The following ZNF846 variants were observed in gnomAD, a reference collection of about 807,000 sequenced individuals.
The protein encoded by ZNF846 is zinc finger protein 846.
A neutral mutation model predicts 16.0 loss-of-function variants in ZNF846; 15 were observed. The observed-to-expected ratio is 0.94, with a 90% CI of 0.63 to 1.45. The LOEUF is 1.45. ZNF846 is among the 40% of genes most tolerant of loss of function. ZNF846 has a pLI of 0.00. For synonymous variants in ZNF846, 229 were observed against 212.0 expected, an observed-to-expected ratio of 1.08 and a Z score of -0.70; for missense variants, 714 against 622.3, an observed-to-expected ratio of 1.15 and a Z score of -1.57.
chr19:9,757,686 T>C, exon 6 of ZNF846: 3 of 1,613,218 alleles, frequency 1.9e-6, no homozygotes, highest in Non-Finnish European at 2.5e-6. Flanking sequence ...CATATTAAGA[T>C]TTGTGGAACG....
At chr19:9,760,056 CCTAGA>C in intron 4 of ZNF846, 114 bp from the exon 5 acceptor site, 1 of 689,928 alleles carries the variant, frequency 1.4e-6, no homozygotes. Flanking sequence ...CTTTTGGAGG[CCTAGA>C]TAGGTGGCTT....
chr19:9,779,504 G>A (rs993227712), intron 1 of ZNF846, among the ~76,000 whole-genome samples: 4 of 151,390 alleles, frequency 2.6e-5, no homozygotes, highest in African/African-American at 9.7e-5. Flanking sequence ...CCGACCTCAG[G>A]TGATCTGTCT....
At chr19:9,779,834 A>T (rs2145315701) in intron 1 of ZNF846, among the ~76,000 whole-genome samples, 1 of 151,622 alleles carries the variant, frequency 6.6e-6, no homozygotes, top group African/African-American at 2.4e-5. Flanking sequence ...CCAACTCCCA[A>T]AGTGCTAGGA....
chr19:9,786,132 T>G (rs1464799358), upstream of ZNF846: 1 of 151,522 alleles, frequency 6.6e-6, no homozygotes, highest in East Asian at 2.0e-4. Flanking sequence ...TGGGGAGAAG[T>G]CTTAGTTTCC....
chr19:9,762,275 T>A lies in ZNF846; in HGVS notation c.143-107A>T, dbSNP rs920118179. 67 of 775,354 alleles carry A rather than the reference T, an allele frequency of 8.6e-5. No homozygotes were observed. The East Asian group carries it at 1.6e-3, about 19-fold the overall frequency. 48.0% of individuals were successfully genotyped at this position (775,354 alleles called of 1,614,324 possible). On this transcript the variant is annotated intron_variant, in intron 3 of 5. Coordinates refer to ENST00000397902, the Ensembl canonical transcript of ZNF846. ...TTCGGGGATTCTAAAGATGGTCAAG[T>A]GTAACTTTACAAATAGCAAACTAAT...
chr19:9,760,725 C>T (rs2045212572), intron 4 of ZNF846, among the ~76,000 whole-genome samples: 2 of 150,146 alleles, frequency 1.3e-5, no homozygotes, highest in South Asian at 4.2e-4. Flanking sequence ...TATATATATA[C>T]ATATATATAT....
chr19:9,765,909 A>C (rs935464074), intron 1 of ZNF846, among the ~76,000 whole-genome samples: 9 of 117,870 alleles, frequency 7.6e-5, no homozygotes, highest in African/African-American at 1.9e-4. Context: ...CTCTTTATTA[A>C]ATAAATAAAT....
chr19:9,768,777 A>T (rs932595352), upstream of ZNF846: 3 of 152,348 alleles, frequency 2.0e-5, no homozygotes, highest in East Asian at 3.8e-4. Flanking sequence ...CCGGTTGCGC[A>T]CGGCATTAAG....
exon 6 of ZNF846, chr19:9,757,788 G>A: frequency 6.2e-7 from 1 of 1,613,630 alleles, no homozygotes; most frequent in Non-Finnish European, 8.5e-7. Context: ...TTGAGTGAAA[G>A]CTTTCCCACA....
In ZNF846 at chr19:9,762,870, C is replaced by T. The variant is rs182844057; in HGVS notation, c.142+412G>A. On this transcript the variant is annotated intron_variant, in intron 3 of 5. Transcript: ENST00000397902. The stretch of plus-strand genomic sequence containing the variant: ...TCTATAAAGTAATGCCCAGGCCATG[C>T]ATGGTGGCTCACGCCTGTAATCCTA... 9.8e-4 allele frequency among the ~76,000 whole-genome samples: 150 copies of T among 152,318 alleles called. 1 individual carries two copies. The highest frequency in any genetic ancestry group is 1.7e-3 in the Non-Finnish European group (117 of 68,034).
chr19:9,759,661 G>A (rs532015810), intron 5 of ZNF846, among the ~76,000 whole-genome samples, 199 bp downstream of exon 5: 5 of 151,708 alleles, frequency 3.3e-5, no homozygotes, highest in Non-Finnish European at 7.3e-5. Context: ...TGAGTTGTAT[G>A]TTTGTGGATG....
intron 2 of ZNF846, 51 bp from the exon 3 acceptor site, chr19:9,763,459 G>C (rs1435462376): frequency 6.5e-7 from 1 of 1,528,732 alleles, no homozygotes; most frequent in Non-Finnish European, 8.8e-7. Flanking sequence ...CTCCTTTGAT[G>C]TTCTGAGAAA....
At chr19:9,778,424 A>G (rs2045468637) in intron 1 of ZNF846, among the ~76,000 whole-genome samples, 1 of 152,198 alleles carries the variant, frequency 6.6e-6, no homozygotes, top group African/African-American at 2.4e-5. Flanking sequence ...GTCCCCCAGG[A>G]GTAAAATCAT....
chr19:9,748,697 G>A (rs1453413417), downstream of ZNF846, among the ~76,000 whole-genome samples: 1 of 152,104 alleles, frequency 6.6e-6, no homozygotes, highest in Non-Finnish European at 1.5e-5. Context: ...ACCAAGCTCA[G>A]CCTTCAACTT....
rs1164800670 is a variant in ZNF846, at chr19:9,779,877, C to T, written c.-86+6061G>A. 4.0e-5 allele frequency among the ~76,000 whole-genome samples: 6 copies of T among 149,216 alleles called. 1 individual carries two copies. Among genetic ancestry groups the T allele is most frequent in the Admixed American group, 1.3e-4 (2 of 14,930 alleles). ...CATGAGTCACCACGCCCGGCCATCA[C>T]GACTTTTTTTTTTTTTTAGATAGGC... On this transcript the variant is annotated intron_variant, in intron 1 of 4. Transcript: ENST00000586814.
At chr19:9,768,623 G>T (rs2045358217), upstream of ZNF846, 1 of 152,274 alleles carries the variant, frequency 6.6e-6, no homozygotes, top group South Asian at 2.1e-4. Flanking sequence ...GTCACCCTCC[G>T]ACCCTCGCTC....
downstream of ZNF846, among the ~76,000 whole-genome samples, chr19:9,750,543 G>A (rs1013936304): frequency 2.6e-5 from 4 of 152,050 alleles, no homozygotes; most frequent in East Asian, 3.9e-4. Context: ...GTTCTTCCAC[G>A]TACACCTGCC....
At chr19:9,770,736 G>A (rs1348588700), upstream of ZNF846, among the ~76,000 whole-genome samples, 4 of 151,928 alleles carry the variant, frequency 2.6e-5, no homozygotes, top group East Asian at 5.8e-4. Flanking sequence ...GGGCGTGGTG[G>A]TGCGCACCTG....
rs191936627 is a variant in ZNF846, at chr19:9,767,261, G to C, written c.-86+1028C>G. On this transcript the variant is annotated intron_variant, in intron 1 of 5. Transcript: ENST00000397902. ...AGCGATTCTCCTGCCTCAGCCTCCC[G>C]AGTAGCTAAGATTACAGGCATGCCC... Among the ~76,000 whole-genome samples, 3 of 151,934 alleles carry C rather than the reference G, an allele frequency of 2.0e-5. No individual in the cohort carries two copies. In the East Asian group the frequency reaches 5.8e-4, roughly 30 times the overall value.
Sources: allele counts gnomAD v4.1 joint callset (sites outside exome capture counted in the v4.1 genomes callset), GRCh38; gene constraint gnomAD v4.1.1; transcripts MANE v1.5; gene names NCBI Gene and HGNC (gene_info 2026-07-23, HGNC 2026-07-21).